The following PTPRD variants were observed in gnomAD, a reference collection of about 807,000 sequenced individuals.
The protein encoded by PTPRD is receptor-type tyrosine-protein phosphatase delta.
PTPRD carries 34 observed loss-of-function variants against 214.5 expected under a neutral mutation model. That is an observed-to-expected ratio of 0.16 (90% CI 0.12 to 0.21). The LOEUF (loss-of-function observed/expected upper bound fraction) is 0.21. Among genes scored for constraint, PTPRD ranks in the 10% least tolerant of loss-of-function variants. The probability of loss-of-function intolerance (pLI) is 1.00; values close to 1 mark genes in which losing one functional copy is unlikely to be tolerated. For synonymous variants in PTPRD, 1,128 were observed against 845.7 expected (o/e 1.33, Z -5.79); for missense variants, 2,545 against 2,398.7 (o/e 1.06, Z -1.27).
intron 10 of PTPRD, among the ~76,000 whole-genome samples, chr9:9,074,331 A>T (rs540147919): frequency 6.6e-6 from 1 of 152,244 alleles, no homozygotes; most frequent in African/African-American, 2.4e-5. Context: ...AGTAAAACAC[A>T]ATTTGTAAAA....
chr9:8,583,838 T>C (rs1255901087), intron 14 of PTPRD, among the ~76,000 whole-genome samples: 3 of 152,208 alleles, frequency 2.0e-5, no homozygotes, highest in African/African-American at 7.2e-5. Flanking sequence ...TTTTCTGTAC[T>C]TTCTTCATTT....
chr9:10,308,116 G>A (rs1167002695), intron 3 of PTPRD, among the ~76,000 whole-genome samples: 3 of 151,848 alleles, frequency 2.0e-5, no homozygotes, highest in South Asian at 2.1e-4. Context: ...GTACTTTTCA[G>A]GTGTTAGCCA....
At chr9:9,282,671 C>G (rs941886390) in intron 9 of PTPRD, among the ~76,000 whole-genome samples, 4 of 151,402 alleles carry the variant, frequency 2.6e-5, no homozygotes, top group African/African-American at 9.7e-5. Context: ...ACTGAACTAA[C>G]TTACTACTTA....
intron 10 of PTPRD, among the ~76,000 whole-genome samples, chr9:9,091,710 T>A (rs1233771169): frequency 6.6e-6 from 1 of 152,074 alleles, no homozygotes; most frequent in African/African-American, 2.4e-5. Context: ...AAATTCCCAA[T>A]CACAAGGAAA....
At chr9:8,762,252 T>C (rs1263918546) in intron 11 of PTPRD, among the ~76,000 whole-genome samples, 3 of 152,182 alleles carry the variant, frequency 2.0e-5, no homozygotes, top group Non-Finnish European at 4.4e-5. Flanking sequence ...GAGATCAAGT[T>C]TGAACATCAA....
At chr9:9,510,961 TGGGACCTCTGGGAGACACTA>T (rs1351837655) in intron 8 of PTPRD, among the ~76,000 whole-genome samples, 1 of 151,720 alleles carries the variant, frequency 6.6e-6, no homozygotes, top group Admixed American at 6.6e-5. Context: ...CTGAAAGTAG[TGGGACCTCTGGGAGACACTA>T]CAGATAGCAA....
At chr9:8,952,675 C>G (rs2099109176) in intron 11 of PTPRD, among the ~76,000 whole-genome samples, 1 of 151,680 alleles carries the variant, frequency 6.6e-6, no homozygotes, top group South Asian at 2.1e-4. Context: ...GCAGAGGTAT[C>G]TTTACAGGAA....
At chr9:9,294,020 C>A (rs778388323) in intron 9 of PTPRD, among the ~76,000 whole-genome samples, 1 of 151,496 alleles carries the variant, frequency 6.6e-6, no homozygotes, top group Non-Finnish European at 1.5e-5. Flanking sequence ...GTTACTTGGA[C>A]ACAAGCACCT....
At chr9:9,173,587 C>A (rs1469652461) in intron 10 of PTPRD, among the ~76,000 whole-genome samples, 1 of 152,138 alleles carries the variant, frequency 6.6e-6, no homozygotes, top group Non-Finnish European at 1.5e-5. Flanking sequence ...GGCAACAAAC[C>A]TGTACAGCAT....
intron 11 of PTPRD, among the ~76,000 whole-genome samples, chr9:8,938,375 G>A (rs897768014): frequency 6.6e-6 from 1 of 152,118 alleles, no homozygotes; most frequent in Non-Finnish European, 1.5e-5. Flanking sequence ...TGAGCTGAGT[G>A]AAAATGCCAT....
At chr9:10,124,957 G>C (rs1286014616) in intron 3 of PTPRD, among the ~76,000 whole-genome samples, 2 of 152,306 alleles carry the variant, frequency 1.3e-5, no homozygotes, top group East Asian at 3.9e-4. Flanking sequence ...AGAAATGGTA[G>C]AGGACCCTTG....
chr9:9,447,504 G>A lies in PTPRD; in HGVS notation c.-236-50022C>T, dbSNP rs2090840665. ...CAAAGAGGGGAACAACAGACACTGG[G>A]ACCTATTGGAGGGTAGGAAGTAAGA... On this transcript the variant is annotated intron_variant, in intron 8 of 45. Coordinates refer to ENST00000381196, the MANE Select transcript of PTPRD (RefSeq NM_002839.4). Among the ~76,000 whole-genome samples, 3 of 152,056 alleles carry A rather than the reference G, an allele frequency of 2.0e-5. No individual in the cohort carries two copies. The South Asian group carries it at 6.2e-4, about 31-fold the overall frequency.
intron 3 of PTPRD, among the ~76,000 whole-genome samples, chr9:10,111,348 C>T (rs1336056704): frequency 2.1e-5 from 3 of 141,624 alleles, no homozygotes; most frequent in Non-Finnish European, 4.6e-5. Context: ...ATGCCATTCT[C>T]CTGCCTCAGC....
intron 2 of PTPRD, among the ~76,000 whole-genome samples, chr9:10,410,663 A>G (rs2154506677): frequency 6.6e-6 from 1 of 151,948 alleles, no homozygotes; most frequent in African/African-American, 2.4e-5. Flanking sequence ...AGGAACAGTC[A>G]TTGTTAATCT....
At chr9:9,693,839 C>T (rs760077263) in intron 7 of PTPRD, among the ~76,000 whole-genome samples, 5 of 152,152 alleles carry the variant, frequency 3.3e-5, no homozygotes, top group Non-Finnish European at 7.3e-5. Flanking sequence ...CCTTCAGGCT[C>T]ACTCCTTTTT....
At chr9:8,948,400 G>T in intron 11 of PTPRD, among the ~76,000 whole-genome samples, 1 of 93,562 alleles carries the variant, frequency 1.1e-5, no homozygotes, top group Non-Finnish European at 1.9e-5. Context: ...TGTCCATTGG[G>T]TTTAAAATAT....
At chr9:10,101,931 C>T (rs763515938) in intron 3 of PTPRD, among the ~76,000 whole-genome samples, 27 of 151,592 alleles carry the variant, frequency 1.8e-4, no homozygotes, top group Non-Finnish European at 3.1e-4. Context: ...GGATACACTG[C>T]TAACTCCTTA....
chr9:9,484,159 A>G (rs1042926541), intron 8 of PTPRD, among the ~76,000 whole-genome samples: 2 of 152,056 alleles, frequency 1.3e-5, no homozygotes, highest in Non-Finnish European at 2.9e-5. Context: ...AGGAAAATAA[A>G]AATTTTAAAC....
chr9:9,790,498 G>C (rs2098959677), intron 5 of PTPRD, among the ~76,000 whole-genome samples: 1 of 152,146 alleles, frequency 6.6e-6, no homozygotes, highest in Non-Finnish European at 1.5e-5. Flanking sequence ...CCTGATTTCA[G>C]TGGCTTTATC....
Sources: gnomAD v4.1 joint callset for allele counts (sites outside exome capture counted in the v4.1 genomes callset) on GRCh38, gnomAD v4.1.1 for gene constraint, MANE v1.5 for transcripts, NCBI Gene and HGNC (gene_info 2026-07-23, HGNC 2026-07-21) for gene names.